The following HBS1L variants were observed in gnomAD, a reference collection of about 807,000 sequenced individuals.
The protein encoded by HBS1L is HBS1-like protein.
HBS1L carries 55 observed loss-of-function variants against 88.9 expected under a neutral mutation model. The ratio of observed to expected loss-of-function variants is 0.62; its 90% CI spans 0.50 to 0.77. HBS1L has a LOEUF of 0.77. HBS1L is among the 30% of genes least tolerant of loss of function. The pLI, the probability that HBS1L is intolerant of heterozygous loss-of-function variation, is 0.00. For synonymous variants in HBS1L, 267 were observed against 288.5 expected, an observed-to-expected ratio of 0.93 and a Z score of 0.76; for missense variants, 741 against 829.3, an observed-to-expected ratio of 0.89 and a Z score of 1.31.
chr6:135,015,873 G>A (rs1229910338), intron 4 of HBS1L, among the ~76,000 whole-genome samples: 1 of 131,714 alleles, frequency 7.6e-6, no homozygotes, highest in Non-Finnish European at 1.6e-5. Flanking sequence ...ATGAGCTAAC[G>A]AGCCCAGCCT....
chr6:135,039,663 T>C lies in HBS1L; in HGVS notation c.340A>G (p.Lys114Glu). The change falls in exon 4 of 18, where the codon AAG (lysine) becomes GAG (glutamate). Residue 114 changes from lysine to glutamate, a missense_variant. Physicochemically the swap from Lys to Glu is moderately conservative, Grantham distance 56. Around this residue, in one of 3 missense-constraint regions of HBS1L, gnomAD observed 556 missense variants for 598.4 expected, o/e 0.93. Coordinates refer to ENST00000367837, the MANE Select transcript of HBS1L (RefSeq NM_006620.4). ...TGTTCCAGAACCCCTGACAAAGCCT[T>C]CTGCACATCAAACTTGTTCTTCAGA... ...AVLKNKFDVQ[K>E]ALSGVLEQDR... The C allele has an allele frequency of 6.2e-7, 1 of 1,614,140 alleles. No homozygotes were observed. The highest frequency in any genetic ancestry group is 8.5e-7 in the Non-Finnish European group (1 of 1,180,004).
At position 134,965,353 on chromosome 6, in the gene HBS1L, C is replaced by A. The variant is rs1774282451; in HGVS notation, c.2044-63G>T. The A allele has an allele frequency of 3.5e-6, 4 of 1,143,158 alleles. No homozygotes were observed. In the Admixed American group the frequency reaches 8.6e-5, roughly 25 times the overall value. 70.8% of individuals were successfully genotyped at this position (1,143,158 alleles called of 1,614,324 possible). Reference sequence around the variant, plus strand: ...TTAATCAATCACATTATAAGAACAACAAAGGGAAAATTATGGTGAAAGAAT... The same window carrying A: ...TTAATCAATCACATTATAAGAACAAAAAAGGGAAAATTATGGTGAAAGAAT... On this transcript the variant is annotated intron_variant, in intron 17 of 17. Transcript: ENST00000367837.
chr6:134,997,251 C>T (rs894604027), intron 6 of HBS1L, 146 bp downstream of exon 6: 18 of 901,494 alleles, frequency 2.0e-5, no homozygotes, highest in South Asian at 8.3e-5. Flanking sequence ...TCTCTCCCCA[C>T]ATGACTAGAA....
intron 16 of HBS1L, among the ~76,000 whole-genome samples, chr6:134,968,069 T>C (rs1203355690): frequency 6.6e-6 from 1 of 152,090 alleles, no homozygotes; most frequent in African/African-American, 2.4e-5. Context: ...GCAGTCAGCC[T>C]ATTAACCCAC....
rs377537061 is a variant in HBS1L, at chr6:134,997,577, C to T, written c.619G>A (p.Asp207Asn). 2 of 1,613,966 alleles carry T rather than the reference C, an allele frequency of 1.2e-6. No individual in the cohort carries two copies. The highest frequency in any genetic ancestry group is 1.7e-6 in the Non-Finnish European group (2 of 1,179,910). Residue 207 changes from aspartate (D) to asparagine (N), a missense_variant, in exon 6 of 18, where the codon GAT (aspartate) becomes AAT (asparagine). Physicochemically the swap from Asp to Asn is conservative, Grantham distance 23. Around this residue, in one of 3 missense-constraint regions of HBS1L, gnomAD observed 556 missense variants for 598.4 expected, o/e 0.93. Coordinates refer to ENST00000367837, the MANE Select transcript of HBS1L (RefSeq NM_006620.4). The stretch of plus-strand genomic sequence containing the variant: ...GATTTAGAAGCAGTCTCAAGAACAT[C>T]GGAAGAAGCAATGGCATCTTCAATG... The part of the protein sequence containing the change: ...PPIEDAIASS[D>N]VLETASKSAN...
Position 134,986,765 on chromosome 6 carries a change from C to G in HBS1L, c.1276G>C (p.Gly426Arg). The G allele has an allele frequency of 6.4e-7, 1 of 1,570,706 alleles. No individual in the cohort carries two copies. Residue 426 changes from glycine (G) to arginine (R), a missense_variant, in exon 10 of 18, where the codon GGG becomes CGG. Physicochemically the swap from Gly to Arg is moderately radical, Grantham distance 125. Coordinates refer to ENST00000367837, the MANE Select transcript of HBS1L (RefSeq NM_006620.4). Reference protein sequence around the residue: ...ERFQEITGKLGHFLKQAGFKE... With the variant: ...ERFQEITGKLRHFLKQAGFKE... ...AAACCTGCTTGCTTAAGAAAGTGCC[C>G]AAGTTTTCCAGTAATCTCTTGAAAC... is the stretch of plus-strand genomic sequence containing the variant.
intron 15 of HBS1L, among the ~76,000 whole-genome samples, chr6:134,974,397 C>T (rs1208058038): frequency 6.6e-6 from 1 of 152,082 alleles, no homozygotes; most frequent in Non-Finnish European, 1.5e-5. Flanking sequence ...TCTTCTCTAA[C>T]TCATTCCATA....
intron 4 of HBS1L, chr6:135,037,293 T>C (rs1421048246): frequency 6.4e-7 from 1 of 1,551,818 alleles, no homozygotes; most frequent in African/African-American, 1.4e-5. Context: ...AGCACTGGCT[T>C]ATATTGTTTT....
intron 4 of HBS1L, among the ~76,000 whole-genome samples, chr6:135,029,344 T>G (rs1023508498): frequency 1.7e-5 from 2 of 115,834 alleles, no homozygotes; most frequent in African/African-American, 5.8e-5. Flanking sequence ...TATATAAATA[T>G]GCATATGTGG....
At position 135,041,984 on chromosome 6, in the gene HBS1L, A is replaced by C. The variant is rs138065462; in HGVS notation, c.235+17T>G. ...TTAATCACTTTCAGATAACAGATAC[A>C]CTACTTTTTGCTATACCTTGATCAA... is the stretch of plus-strand genomic sequence containing the variant. On this transcript the variant is annotated intron_variant, in intron 3 of 17. Coordinates refer to ENST00000367837, the MANE Select transcript of HBS1L (RefSeq NM_006620.4). The C allele has an allele frequency of 4.8e-5, 77 of 1,610,406 alleles. 1 individual carries two copies. In the African/African-American group the frequency reaches 7.7e-4, roughly 16 times the overall value.
At chr6:134,975,655 G>T (rs1304469454) in intron 15 of HBS1L, among the ~76,000 whole-genome samples, 4 of 152,110 alleles carry the variant, frequency 2.6e-5, no homozygotes, top group Admixed American at 2.6e-4. Flanking sequence ...CATAAATTGG[G>T]GAAAGGACAC....
chr6:135,023,888 A>T (rs1275466493), intron 4 of HBS1L, among the ~76,000 whole-genome samples: 1 of 152,234 alleles, frequency 6.6e-6, no homozygotes, highest in East Asian at 1.9e-4. Flanking sequence ...ACTGTAAAAA[A>T]TGTCCAATTT....
At chr6:135,051,925 C>A (rs747993206) in intron 1 of HBS1L, among the ~76,000 whole-genome samples, 3 of 152,172 alleles carry the variant, frequency 2.0e-5, no homozygotes, top group Non-Finnish European at 4.4e-5. Flanking sequence ...ACAAGGAATA[C>A]ACACAAGATA....
In HBS1L at chr6:134,962,978, G is replaced by T. The variant is rs1774218343; in HGVS notation, c.*2301C>A. ...ATCATCAATAAAATGCAAATAAAAA[G>T]ATTGTACTTAAACACTATTGGAGAA... On this transcript the variant is annotated 3_prime_UTR_variant, in exon 18 of 18. Coordinates refer to ENST00000367837, the MANE Select transcript of HBS1L (RefSeq NM_006620.4). 1 of 152,122 alleles carries T rather than the reference G, an allele frequency of 6.6e-6. No individual in the cohort carries two copies. Among genetic ancestry groups the T allele is most frequent in the Non-Finnish European group, 1.5e-5 (1 of 68,026 alleles). 9.4% of individuals were successfully genotyped at this position (152,122 alleles called of 1,614,324 possible).
At position 134,960,469 on chromosome 6, in the gene HBS1L, AC is replaced by A. The variant is rs1395983709; in HGVS notation, c.*4809del. ...CTATGAGAATTCCTCAATAATTGTA[AC>A]TATGCCCTTTAATTTTTAATTTCTA... is the stretch of plus-strand genomic sequence containing the variant. On this transcript the variant is annotated 3_prime_UTR_variant, in exon 18 of 18. Transcript: ENST00000367837. The A allele has an allele frequency of 1.2e-4, 19 of 152,234 alleles. No homozygotes were observed. Among genetic ancestry groups the A allele is most frequent in the Admixed American group, 9.8e-4 (15 of 15,294 alleles). 9.4% of individuals were successfully genotyped at this position (152,234 alleles called of 1,614,324 possible). A position where few individuals can be genotyped will look rare whatever the true frequency, so the allele number is the denominator to read the frequency against.
chr6:134,993,994 CTA>C (rs1331689832), intron 7 of HBS1L, 119 bp from the exon 8 acceptor site: 17 of 432,250 alleles, frequency 3.9e-5, no homozygotes, highest in East Asian at 1.4e-4. Flanking sequence ...TTTTTATAGA[CTA>C]TTATTTTTGA....
chr6:135,048,069 G>A (rs1187156562), intron 2 of HBS1L, among the ~76,000 whole-genome samples: 2 of 152,148 alleles, frequency 1.3e-5, no homozygotes, highest in Non-Finnish European at 2.9e-5. Flanking sequence ...TGTGATGCTG[G>A]ATTGAAGTCA....
At chr6:134,980,109 C>T (rs767680107) in intron 13 of HBS1L, among the ~76,000 whole-genome samples, 18 of 151,936 alleles carry the variant, frequency 1.2e-4, no homozygotes, top group Non-Finnish European at 2.5e-4. Flanking sequence ...AAATGTAGGC[C>T]TTTTGACAAA....
At chr6:135,025,916 G>A (rs936613994) in intron 4 of HBS1L, among the ~76,000 whole-genome samples, 17 of 152,180 alleles carry the variant, frequency 1.1e-4, no homozygotes, top group African/African-American at 4.1e-4. Context: ...GGGCTCAGGA[G>A]AAGAACAGAG....
Sources: allele counts gnomAD v4.1 joint callset (sites outside exome capture counted in the v4.1 genomes callset), GRCh38; gene constraint gnomAD v4.1.1; regional missense constraint gnomAD v4.1.1; transcripts MANE v1.5; gene names NCBI Gene and HGNC (gene_info 2026-07-23, HGNC 2026-07-21).